Variants in TRMT2B observed in about 807,000 individuals in gnomAD.
TRMT2B encodes the protein tRNA methyltransferase 2B, also known as tRNA (uracil-5-)-methyltransferase homolog B.
In TRMT2B, 34 loss-of-function variants were observed where a neutral mutation model predicts 39.7. That is an observed-to-expected ratio of 0.86 (90% CI 0.65 to 1.14). The LOEUF (loss-of-function observed/expected upper bound fraction) is 1.14, where lower values mean the gene tolerates loss of function less well. Ranked by LOEUF, TRMT2B falls within the 50% of genes most tolerant of loss-of-function variation. The pLI is 0.00. For synonymous variants in TRMT2B, 132 were observed against 137.3 expected (o/e 0.96, Z 0.27); for missense variants, 318 against 377.2 (o/e 0.84, Z 1.30).
downstream of TRMT2B, among the ~76,000 whole-genome samples, chrX:101,004,748 G>A (rs773598826): frequency 4.5e-5 from 5 of 110,969 alleles, no homozygotes; most frequent in East Asian, 8.5e-4. Flanking sequence ...TGATCTGCCC[G>A]CCTCGGCCTC....
chrX:101,039,846 G>A (rs1393382898), intron 4 of TRMT2B, among the ~76,000 whole-genome samples: 2 of 109,401 alleles, frequency 1.8e-5, no homozygotes, highest in Admixed American at 9.9e-5. Flanking sequence ...GTTGCAGTGA[G>A]CCATAATCAC....
At chrX:101,034,395 A>T (rs1483055376) in intron 7 of TRMT2B, among the ~76,000 whole-genome samples, 2 of 89,453 alleles carry the variant, frequency 2.2e-5, no homozygotes, top group Admixed American at 2.5e-4. Context: ...ACCCGCCTTA[A>T]CCTCCCAAAG....
At chrX:101,025,895 T>A (rs141600150) in intron 7 of TRMT2B, among the ~76,000 whole-genome samples, 1,253 of 109,364 alleles carry the variant, frequency 0.011, 14 homozygotes, top group African/African-American at 0.04. Flanking sequence ...GAGGTTGTAG[T>A]GAGCTGAGAT....
chrX:101,021,110 A>G lies in TRMT2B; in HGVS notation c.1057T>C (p.Cys353Arg). 1 of 1,210,344 alleles carries G rather than the reference A, an allele frequency of 8.3e-7. No homozygotes were observed. Reference protein sequence around the residue: ...NSDTILLDICCGTGVIGLSLA... With the variant: ...NSDTILLDICRGTGVIGLSLA... ...CTGGGCTTCCACTTGCCAGTTCCAC[A>G]GCAGATGTCAAGAAGGATGGTGTCA... The change falls in exon 10 of 14, where the codon TGT becomes CGT. Residue 353 changes from cysteine to arginine, a missense_variant. Cys to Arg is a radical substitution (Grantham distance 180, BLOSUM62 -3). Coordinates refer to ENST00000372936, the MANE Select transcript of TRMT2B (RefSeq NM_024917.6).
At chrX:101,002,718 G>A in the TRMT2B span, among the ~76,000 whole-genome samples, 1 of 107,227 alleles carries the variant, frequency 9.3e-6, no homozygotes, top group Non-Finnish European at 1.9e-5. Context: ...GGCAGAGGTT[G>A]CAGTAAGCCG....
the TRMT2B span, among the ~76,000 whole-genome samples, chrX:100,978,022 C>T: frequency 8.9e-6 from 1 of 112,079 alleles, no homozygotes; most frequent in Non-Finnish European, 1.9e-5. Context: ...GATACATACA[C>T]AGCAGGTGGA....
At chrX:100,978,522 C>G in the TRMT2B span, among the ~76,000 whole-genome samples, 1 of 111,115 alleles carries the variant, frequency 9.0e-6, no homozygotes. Context: ...GCTACTCCCG[C>G]TCTTTTGGGT....
At chrX:101,046,955 T>C (rs1279262506) in intron 2 of TRMT2B, among the ~76,000 whole-genome samples, 1 of 104,258 alleles carries the variant, frequency 9.6e-6, no homozygotes, top group East Asian at 3.1e-4. Context: ...TTAGGCCAGG[T>C]ACAGTGTGGC....
chrX:101,025,210 T>C (rs770912140), intron 7 of TRMT2B, among the ~76,000 whole-genome samples: 1 of 112,087 alleles, frequency 8.9e-6, no homozygotes, highest in South Asian at 3.7e-4. Context: ...TTTCTGTGAA[T>C]TCCTAATGTA....
chrX:101,003,078 C>CT, the TRMT2B span, among the ~76,000 whole-genome samples: 30 of 88,031 alleles, frequency 3.4e-4, no homozygotes, highest in East Asian at 1.0e-3. Context: ...CCATGCCAAG[C>CT]TTTTTTTTTT....
chrX:101,023,510 G>C lies in TRMT2B; in HGVS notation c.716C>G (p.Thr239Arg). The C allele has an allele frequency of 1.7e-6, 2 of 1,210,512 alleles. No homozygotes were observed. Among genetic ancestry groups the C allele is most frequent in the Non-Finnish European group, 2.2e-6 (2 of 894,411 alleles). ...LTVRTNSQGH[T>R]MAIITFHPQK... is the part of the protein sequence containing the mutation. ...GGGATGGAAAGTGATGATAGCCATT[G>C]TGTGCCCTTGGCTATTGGTGCGGAC... The change falls in exon 8 of 14, where the codon ACA becomes AGA. Residue 239 changes from threonine (T) to arginine (R), a missense_variant. Thr to Arg is a moderately conservative substitution (Grantham distance 71, BLOSUM62 -1). Coordinates refer to ENST00000372936, the MANE Select transcript of TRMT2B (RefSeq NM_024917.6).
the TRMT2B span, among the ~76,000 whole-genome samples, chrX:100,996,215 C>G: frequency 3.6e-5 from 4 of 111,706 alleles, no homozygotes; most frequent in East Asian, 1.1e-3. Flanking sequence ...TGGGTGCTAA[C>G]AAAGTTATCT....
At position 101,023,536 on chromosome X, in the gene TRMT2B, T is replaced by C. The variant is rs1186287180; in HGVS notation, c.690A>G (p.Thr230=). Residue 230 remains threonine, a synonymous_variant, in exon 8 of 14, where the codon ACA becomes ACG. Transcript: ENST00000372936. ...TGTGCCCTTGGCTATTGGTGCGGAC[T>C]GTGAGCTCACGCCAGTATCCACCTT... The part of the protein sequence containing the change: ...FHEGGYWREL[T]VRTNSQGHTM... 8 of 1,211,182 alleles carry C rather than the reference T, an allele frequency of 6.6e-6. No homozygotes were observed. The highest frequency in any genetic ancestry group is 1.7e-5 in the African/African-American group (1 of 57,914).
chrX:101,019,417 G>A lies in TRMT2B; in HGVS notation c.1169-14C>T. 7 of 1,210,197 alleles carry A rather than the reference G, an allele frequency of 5.8e-6. No individual in the cohort carries two copies. The highest frequency in any genetic ancestry group is 7.8e-6 in the Non-Finnish European group (7 of 895,065). On this transcript the variant is annotated splice_polypyrimidine_tract_variant and intron_variant, in intron 11 of 13. Coordinates refer to ENST00000372936, the MANE Select transcript of TRMT2B (RefSeq NM_024917.6). ...AGTTGGTGATGCCTATGGAAGACAGGCCCACAGGACATAACTCAAGCCCAG... is the reference window on the plus strand; with the variant it reads ...AGTTGGTGATGCCTATGGAAGACAGACCCACAGGACATAACTCAAGCCCAG...
At position 101,020,971 on chromosome X, in the gene TRMT2B, A is replaced by C. The variant is rs2086771719; in HGVS notation, c.1066+130T>G. ...GGCATAAGCAACCACACTTGGCTGC[A>C]GTTGTAGGGTTTTAGACCGACAAGG... On this transcript the variant is annotated intron_variant, in intron 10 of 13. Coordinates refer to ENST00000372936, the MANE Select transcript of TRMT2B (RefSeq NM_024917.6). 8 of 544,579 alleles carry C rather than the reference A, an allele frequency of 1.5e-5. No individual in the cohort carries two copies. The East Asian group carries it at 2.9e-4, about 19-fold the overall frequency. 44.9% of individuals were successfully genotyped at this position (544,579 alleles called of 1,213,427 possible). A position where few individuals can be genotyped will look rare whatever the true frequency, so the allele number is the denominator to read the frequency against.
chrX:101,044,776 G>T (rs1289345596), intron 2 of TRMT2B, among the ~76,000 whole-genome samples: 1 of 101,643 alleles, frequency 9.8e-6, no homozygotes, highest in African/African-American at 3.7e-5. Context: ...GGAGGCGGAG[G>T]TTGCAGTGAG....
chrX:100,984,711 A>G, the TRMT2B span, among the ~76,000 whole-genome samples: 1 of 112,091 alleles, frequency 8.9e-6, no homozygotes, highest in East Asian at 2.8e-4. Context: ...CAAGCACAAA[A>G]AGAGGTGAAG....
chrX:100,992,286 C>G, the TRMT2B span, among the ~76,000 whole-genome samples: 2 of 111,719 alleles, frequency 1.8e-5, no homozygotes, highest in Admixed American at 1.9e-4. Context: ...AAAGAGAAAG[C>G]TTTATTTAAG....
chrX:100,982,568 C>G, the TRMT2B span, among the ~76,000 whole-genome samples: 3 of 109,611 alleles, frequency 2.7e-5, no homozygotes, highest in East Asian at 2.9e-4. Context: ...CCAGAATCAC[C>G]TGGGGAGCTT....
Sources: gnomAD v4.1 joint callset for allele counts (sites outside exome capture counted in the v4.1 genomes callset) on GRCh38, gnomAD v4.1.1 for gene constraint, MANE v1.5 for transcripts, NCBI Gene and HGNC (gene_info 2026-07-23, HGNC 2026-07-21) for gene names.